The following PITPNC1 variants were observed in gnomAD, a reference collection of about 807,000 sequenced individuals.
The protein encoded by PITPNC1 is phosphatidylinositol transfer protein cytoplasmic 1.
In PITPNC1, 18 loss-of-function variants were observed where a neutral mutation model predicts 44.7. The ratio of observed to expected loss-of-function variants is 0.40; its 90% CI spans 0.28 to 0.60. The LOEUF is 0.60. Ranked by LOEUF, PITPNC1 falls within the 20% of genes least tolerant of loss-of-function variation. The probability of loss-of-function intolerance (pLI) is 0.39; values close to 1 mark genes in which losing one functional copy is unlikely to be tolerated. For missense variants in PITPNC1, 290 were observed against 418.4 expected, an observed-to-expected ratio of 0.69 and a Z score of 2.68; for synonymous variants, 141 against 149.6, an observed-to-expected ratio of 0.94 and a Z score of 0.42.
intron 1 of PITPNC1, among the ~76,000 whole-genome samples, chr17:67,501,119 G>C (rs1023746855): frequency 2.0e-5 from 3 of 152,240 alleles, no homozygotes; most frequent in East Asian, 1.9e-4. Flanking sequence ...GCCCACTGCA[G>C]GTCTAGGTGC....
intron 1 of PITPNC1, among the ~76,000 whole-genome samples, chr17:67,525,789 A>G (rs946093211): frequency 1.3e-5 from 2 of 152,208 alleles, no homozygotes; most frequent in African/African-American, 4.8e-5. Flanking sequence ...ATTAATGGTG[A>G]TGTGAAGAAT....
At position 67,625,333 on chromosome 17, in the gene PITPNC1, G is replaced by GC. The variant is rs149628330; in HGVS notation, c.367-6804dup. The stretch of plus-strand genomic sequence containing the variant: ...AGTTCACAGCACTCCAGTGTCAGGT[G>GC]CCCCCCTGTAAAGCTTTGGCTTGAT... On this transcript the variant is annotated intron_variant, in intron 5 of 8. Coordinates refer to ENST00000581322, the MANE Select transcript of PITPNC1 (RefSeq NM_012417.4). 6.3e-3 allele frequency among the ~76,000 whole-genome samples: 952 copies of GC among 152,130 alleles called. 11 individuals carry two copies. The highest frequency in any genetic ancestry group is 0.022 in the African/African-American group (907 of 41,498).
In PITPNC1 at chr17:67,545,573, C is replaced by T. The variant is rs550277394; in HGVS notation, c.198-6684C>T. ...CCTGGGTGACAGAGCAAGACTCTGT[C>T]TCAAAATAAATAACATAAAATATGG... On this transcript the variant is annotated intron_variant, in intron 2 of 8. Coordinates refer to ENST00000581322, the MANE Select transcript of PITPNC1 (RefSeq NM_012417.4). Among the ~76,000 whole-genome samples, 8 of 152,138 alleles carry T rather than the reference C, an allele frequency of 5.3e-5. No individual in the cohort carries two copies. The East Asian group carries it at 1.5e-3, about 29-fold the overall frequency.
chr17:67,590,018 G>A (rs568214522), intron 5 of PITPNC1, among the ~76,000 whole-genome samples: 33 of 151,860 alleles, frequency 2.2e-4, no homozygotes, highest in Non-Finnish European at 3.4e-4. Context: ...CATGCAGAGA[G>A]GACAAACCAG....
intron 1 of PITPNC1, among the ~76,000 whole-genome samples, chr17:67,426,974 T>C (rs969119847): frequency 6.6e-6 from 1 of 152,162 alleles, no homozygotes; most frequent in Admixed American, 6.5e-5. Flanking sequence ...CTGAGCACCA[T>C]GCTTACATGC....
intron 1 of PITPNC1, among the ~76,000 whole-genome samples, chr17:67,415,300 C>A (rs1302696223): frequency 1.3e-5 from 2 of 152,146 alleles, no homozygotes; most frequent in African/African-American, 4.8e-5. Flanking sequence ...TCTCATTGTC[C>A]CTGCCATACT....
At chr17:67,573,071 T>C (rs1012643616) in intron 4 of PITPNC1, among the ~76,000 whole-genome samples, 2 of 152,176 alleles carry the variant, frequency 1.3e-5, no homozygotes, top group African/African-American at 4.8e-5. Flanking sequence ...TGCTGCTGTT[T>C]TAAGCCACGC....
chr17:67,625,514 G>T (rs777915532), intron 5 of PITPNC1, among the ~76,000 whole-genome samples: 13 of 152,246 alleles, frequency 8.5e-5, no homozygotes, highest in Non-Finnish European at 1.5e-4. Flanking sequence ...TTTCCTTTGG[G>T]GCCCGGTGAA....
chr17:67,475,733 G>A (rs552546420), intron 1 of PITPNC1, among the ~76,000 whole-genome samples: 61 of 152,348 alleles, frequency 4.0e-4, no homozygotes, highest in African/African-American at 1.2e-3. Context: ...GGGAGGGAAT[G>A]CGTGTTTGCT....
intron 1 of PITPNC1, among the ~76,000 whole-genome samples, chr17:67,458,751 G>T (rs1234786027): frequency 2.0e-5 from 3 of 152,074 alleles, no homozygotes; most frequent in African/African-American, 7.2e-5. Context: ...ACCTTTAGTG[G>T]GGGTTATTTT....
intron 1 of PITPNC1, among the ~76,000 whole-genome samples, chr17:67,465,342 G>T (rs1402426062): frequency 2.0e-5 from 3 of 152,196 alleles, no homozygotes. Flanking sequence ...TTATGAGCCA[G>T]TGCAGAGGAA....
chr17:67,405,609 C>CTTTTTTTT (rs748815813), intron 1 of PITPNC1, among the ~76,000 whole-genome samples: 2 of 142,002 alleles, frequency 1.4e-5, no homozygotes, highest in African/African-American at 2.6e-5. Flanking sequence ...TTCTTTCTTT[C>CTTTTTTTT]TTTTTTTTTT....
chr17:67,503,015 C>T (rs1001813970), intron 1 of PITPNC1, among the ~76,000 whole-genome samples: 21 of 152,042 alleles, frequency 1.4e-4, no homozygotes, highest in African/African-American at 4.1e-4. Flanking sequence ...AGGCTGGTCT[C>T]GAACTCATGA....
chr17:67,587,838 T>C (rs2041340480), intron 5 of PITPNC1, among the ~76,000 whole-genome samples: 1 of 152,188 alleles, frequency 6.6e-6, no homozygotes, highest in Admixed American at 6.5e-5. Context: ...CATCTCAATG[T>C]CTTGACTGGG....
intron 1 of PITPNC1, among the ~76,000 whole-genome samples, chr17:67,452,342 A>G (rs140038328): frequency 0.012 from 1,806 of 151,742 alleles, 38 homozygotes; most frequent in African/African-American, 0.041. Flanking sequence ...TGCTAATAGC[A>G]TTCCATTATA....
chr17:67,415,954 G>T (rs1399384720), intron 1 of PITPNC1, among the ~76,000 whole-genome samples: 1 of 151,976 alleles, frequency 6.6e-6, no homozygotes, highest in Non-Finnish European at 1.5e-5. Context: ...TACTATGTGT[G>T]TAAAAATGTA....
At chr17:67,442,204 C>CATATGTATATATATATAT (rs2039021633) in intron 1 of PITPNC1, among the ~76,000 whole-genome samples, 3 of 54,246 alleles carry the variant, frequency 5.5e-5, no homozygotes, top group African/African-American at 1.5e-4. Flanking sequence ...GGAAAATAAG[C>CATATGTATATATATATAT]ATATATATAT....
chr17:67,660,189 A>G (rs930170556), intron 6 of PITPNC1, among the ~76,000 whole-genome samples: 2 of 152,120 alleles, frequency 1.3e-5, no homozygotes, highest in African/African-American at 4.8e-5. Context: ...TATGCCATAA[A>G]TCTATCCATC....
rs1333670728 is a variant in PITPNC1 at position 67,676,160 on chromosome 17, T to C, written c.682+618T>C. ...AGGCGGAGTTTGCAGTGAGCCGAGA[T>C]CGCACCACTGCACTCCAGCCTGGGG... On this transcript the variant is annotated intron_variant, in intron 8 of 8. Coordinates refer to ENST00000581322, the MANE Select transcript of PITPNC1 (RefSeq NM_012417.4). The surrounding 1 kb of genome is among the most constrained non-coding windows in gnomAD (Gnocchi z 4.0). 6.7e-6 allele frequency among the ~76,000 whole-genome samples: 1 copy of C among 149,424 alleles called. No homozygotes were observed. Among genetic ancestry groups the C allele is most frequent in the African/African-American group, 2.5e-5 (1 of 40,294 alleles).
Sources: allele counts gnomAD v4.1 joint callset (sites outside exome capture counted in the v4.1 genomes callset), GRCh38; gene constraint gnomAD v4.1.1; non-coding constraint Gnocchi (gnomAD v3.1); transcripts MANE v1.5; gene names NCBI Gene and HGNC (gene_info 2026-07-23, HGNC 2026-07-21).